Variants in HMX1 observed in about 807,000 individuals in gnomAD.
The protein encoded by HMX1 is homeobox protein HMX1.
In HMX1, 8 loss-of-function variants were observed where a neutral mutation model predicts 8.9. That is an observed-to-expected ratio of 0.90 (90% CI 0.53 to 1.63). The LOEUF (loss-of-function observed/expected upper bound fraction) is 1.63, where lower values mean the gene tolerates loss of function less well. HMX1 is among the 40% of genes most tolerant of loss of function. The probability of loss-of-function intolerance (pLI) is 0.00; values close to 1 mark genes in which losing one functional copy is unlikely to be tolerated. For synonymous variants in HMX1, 311 were observed against 283.4 expected (o/e 1.10, Z -0.98); for missense variants, 621 against 558.5 (o/e 1.11, Z -1.13).
intron 1 of HMX1, among the ~76,000 whole-genome samples, chr4:8,859,460 G>C (rs545882741): frequency 6.6e-6 from 1 of 152,248 alleles, no homozygotes; most frequent in African/African-American, 2.4e-5. Flanking sequence ...CCACAGTATG[G>C]GGCCCTCTGA....
At chr4:8,850,570 C>T (rs1388768795) in intron 1 of HMX1, among the ~76,000 whole-genome samples, 3 of 152,210 alleles carry the variant, frequency 2.0e-5, no homozygotes, top group Admixed American at 1.3e-4. Context: ...CAGGCTCCCA[C>T]AGCATCCGCA....
At chr4:8,864,385 C>G (rs1359370502), downstream of HMX1, among the ~76,000 whole-genome samples, 1 of 152,078 alleles carries the variant, frequency 6.6e-6, no homozygotes, top group Non-Finnish European at 1.5e-5. Flanking sequence ...CTCAGGGTGG[C>G]TGGAATCCGG....
At chr4:8,861,612 C>CG in intron 1 of HMX1, among the ~76,000 whole-genome samples, 1 of 152,230 alleles carries the variant, frequency 6.6e-6, no homozygotes, top group South Asian at 2.1e-4. Flanking sequence ...GGCGGAGCCC[C>CG]GGGGGCACGG....
chr4:8,854,031 T>C (rs1292800284), intron 1 of HMX1, among the ~76,000 whole-genome samples: 3 of 152,214 alleles, frequency 2.0e-5, no homozygotes, highest in African/African-American at 7.2e-5. Context: ...CTGCCATCCC[T>C]TCCTGCTGAT....
chr4:8,857,038 C>A (rs901923921), intron 1 of HMX1, among the ~76,000 whole-genome samples: 1 of 152,188 alleles, frequency 6.6e-6, no homozygotes, highest in East Asian at 1.9e-4. Flanking sequence ...GAGCCCTGAT[C>A]GCGACACTGC....
chr4:8,864,361 G>C (rs1377990150), downstream of HMX1, among the ~76,000 whole-genome samples: 1 of 152,196 alleles, frequency 6.6e-6, no homozygotes, highest in Non-Finnish European at 1.5e-5. Context: ...TGTGCAACTG[G>C]AAGCCCTGAG....
chr4:8,862,638 C>T (rs1454159367), downstream of HMX1, among the ~76,000 whole-genome samples: 1 of 152,136 alleles, frequency 6.6e-6, no homozygotes, highest in Non-Finnish European at 1.5e-5. Context: ...GTTACAATTC[C>T]CAGTAAATCC....
Position 8,868,171 on chromosome 4 carries a change from C to G in HMX1, c.569G>C (p.Gly190Ala). The change falls in exon 2 of 2, where the codon GGG becomes GCG. Residue 190 changes from glycine to alanine, a missense_variant. Transcript: ENST00000400677. The surrounding 1 kb of genome is among the most constrained non-coding windows in gnomAD (Gnocchi z 4.6). ...SELAEVPAAA[G>A]ETRGGVGVGG... is the part of the protein sequence containing the mutation. ...CACGCCAACGCCGCCGCGTGTCTCCCCAGCCGCCGCAGGGACCTCGGCCAG... is the reference window on the plus strand; with the variant it reads ...CACGCCAACGCCGCCGCGTGTCTCCGCAGCCGCCGCAGGGACCTCGGCCAG... 2.7e-6 allele frequency: 4 copies of G among 1,499,020 alleles called. No homozygotes were observed. Among genetic ancestry groups the G allele is most frequent in the South Asian group, 1.3e-5 (1 of 79,898 alleles). The allele number at this position is 1,499,020 out of a possible 1,614,324, so 92.9% of individuals were successfully genotyped here. A position where few individuals can be genotyped will look rare whatever the true frequency, so the allele number is the denominator to read the frequency against.
chr4:8,871,822 C>G lies in HMX1; in HGVS notation c.-208G>C. On this transcript the variant is annotated 5_prime_UTR_variant, in exon 1 of 2. Transcript: ENST00000400677. This position sits in a 1 kb window ranked among gnomAD's most constrained non-coding sequence, Gnocchi z 4.8. Reference sequence around the variant, plus strand: ...TGCGCGCCGACAGCTGATCGGGCAGCCGCCTGGCTCGCCTTTCAGGTCGCC... The same window carrying G: ...TGCGCGCCGACAGCTGATCGGGCAGGCGCCTGGCTCGCCTTTCAGGTCGCC... 2 of 555,932 alleles carry G rather than the reference C, an allele frequency of 3.6e-6. No homozygotes were observed. The highest frequency in any genetic ancestry group is 2.3e-6 in the Non-Finnish European group (1 of 436,898). 34.4% of individuals were successfully genotyped at this position (555,932 alleles called of 1,614,324 possible).
At chr4:8,865,943 G>C (rs984080052), downstream of HMX1, among the ~76,000 whole-genome samples, 2 of 152,208 alleles carry the variant, frequency 1.3e-5, no homozygotes, top group African/African-American at 4.8e-5. Flanking sequence ...TGGGGACTGG[G>C]TTGGGGGAGG....
At chr4:8,856,815 G>T (rs1410514690) in intron 1 of HMX1, among the ~76,000 whole-genome samples, 1 of 152,216 alleles carries the variant, frequency 6.6e-6, no homozygotes, top group Admixed American at 6.5e-5. Context: ...CTGGTCGGGC[G>T]CAGTGGCTCA....
rs1268817301 is a variant in HMX1 at position 8,848,802 on chromosome 4, C to G, written c.395-2478G>C. Among the ~76,000 whole-genome samples the G allele has an allele frequency of 6.6e-6, 1 of 152,208 alleles. No homozygotes were observed. Among genetic ancestry groups the G allele is most frequent in the Admixed American group, 6.5e-5 (1 of 15,284 alleles). On this transcript the variant is annotated intron_variant, in intron 1 of 1. Coordinates refer to the HMX1 transcript ENST00000506970. The surrounding 1 kb of genome is among the most constrained non-coding windows in gnomAD (Gnocchi z 4.1). ...GCAAGGAGACATCATAAGGGCTTTT[C>G]CTGGTTGGTGAAGACCACAGGCTGC...
rs1297038239 is a variant in HMX1, at chr4:8,847,303, A to G, written c.395-979T>C. ...AAAAAATAATAATTTAATTTAATTTAAAAAGCCACTAAGTGATCTGATGTC... is the reference window on the plus strand; with the variant it reads ...AAAAAATAATAATTTAATTTAATTTGAAAAGCCACTAAGTGATCTGATGTC... On this transcript the variant is annotated intron_variant, in intron 1 of 1. Coordinates refer to the HMX1 transcript ENST00000506970. This position sits in a 1 kb window ranked among gnomAD's most constrained non-coding sequence, Gnocchi z 6.0. 1.3e-5 allele frequency among the ~76,000 whole-genome samples: 2 copies of G among 152,208 alleles called. No homozygotes were observed. Among genetic ancestry groups the G allele is most frequent in the African/African-American group, 2.4e-5 (1 of 41,458 alleles).
At position 8,847,718 on chromosome 4, in the gene HMX1, CCTGCCTTGACTATA is replaced by C. The variant is rs1338275228; in HGVS notation, c.395-1408_395-1395del. Among the ~76,000 whole-genome samples the C allele has an allele frequency of 2.0e-5, 3 of 152,180 alleles. No homozygotes were observed. Among genetic ancestry groups the C allele is most frequent in the African/African-American group, 7.2e-5 (3 of 41,450 alleles). On this transcript the variant is annotated intron_variant, in intron 1 of 1. Coordinates refer to the HMX1 transcript ENST00000506970. This position sits in a 1 kb window ranked among gnomAD's most constrained non-coding sequence, Gnocchi z 6.0. ...GCTGTGGTCTTTCCAGTATATGAGGCCTGCCTTGACTATACTGCCTCCTTCATTATATCCTGCAT... is the reference window on the plus strand; with the variant it reads ...GCTGTGGTCTTTCCAGTATATGAGGCCTGCCTCCTTCATTATATCCTGCAT...
At chr4:8,861,552 G>A (rs1309090318) in intron 1 of HMX1, among the ~76,000 whole-genome samples, 1 of 152,210 alleles carries the variant, frequency 6.6e-6, no homozygotes. Flanking sequence ...AGAGGGACGA[G>A]CAGAGGAGCA....
rs1328063492 is a variant in HMX1, at chr4:8,853,022, G to A, written c.395-6698C>T. ...AAAGCAAGATAGAAGGAGTCCCTGG[G>A]TTCCTGGCCACACTAGCCCTGGGCT... On this transcript the variant is annotated intron_variant, in intron 1 of 1. Coordinates refer to the HMX1 transcript ENST00000506970. This position sits in a 1 kb window ranked among gnomAD's most constrained non-coding sequence, Gnocchi z 4.7. 6.6e-6 allele frequency among the ~76,000 whole-genome samples: 1 copy of A among 152,024 alleles called. No homozygotes were observed. The highest frequency in any genetic ancestry group is 2.4e-5 in the African/African-American group (1 of 41,386).
At chr4:8,864,274 G>T (rs1449192556), downstream of HMX1, among the ~76,000 whole-genome samples, 1 of 152,226 alleles carries the variant, frequency 6.6e-6, no homozygotes, top group Non-Finnish European at 1.5e-5. Context: ...TTACGGTCAT[G>T]GGGAAGTCGG....
chr4:8,852,364 G>A (rs1189843577), intron 1 of HMX1, among the ~76,000 whole-genome samples: 2 of 152,196 alleles, frequency 1.3e-5, no homozygotes, highest in African/African-American at 4.8e-5. Flanking sequence ...CAGCTGTAAC[G>A]ACCTTGGCTA....
rs1722045695 is a variant in HMX1, at chr4:8,867,594, C to T, written c.*99G>A. Reference sequence around the variant, plus strand: ...GTATCTAGGAGGCCGCAGGAGCGACCATCCCTTCCCTAACGCCCCCTGAGC... The same window carrying T: ...GTATCTAGGAGGCCGCAGGAGCGACTATCCCTTCCCTAACGCCCCCTGAGC... On this transcript the variant is annotated 3_prime_UTR_variant, in exon 2 of 2. Transcript: ENST00000400677. 8.4e-7 allele frequency: 1 copy of T among 1,187,854 alleles called. No homozygotes were observed. Among genetic ancestry groups the T allele is most frequent in the East Asian group, 3.6e-5 (1 of 27,874 alleles). 73.6% of individuals were successfully genotyped at this position (1,187,854 alleles called of 1,614,324 possible). A position where few individuals can be genotyped will look rare whatever the true frequency, so the allele number is the denominator to read the frequency against.
Sources: allele counts gnomAD v4.1 joint callset (sites outside exome capture counted in the v4.1 genomes callset), GRCh38; gene constraint gnomAD v4.1.1; non-coding constraint Gnocchi (gnomAD v3.1); transcripts MANE v1.5; gene names NCBI Gene and HGNC (gene_info 2026-07-23, HGNC 2026-07-21).